Variants in CDC42BPA observed in about 807,000 individuals in gnomAD.
The protein encoded by CDC42BPA is serine/threonine-protein kinase MRCK alpha.
In CDC42BPA, 80 loss-of-function variants were observed where a neutral mutation model predicts 223.5. That is an observed-to-expected ratio of 0.36 (90% CI 0.30 to 0.43). The LOEUF is 0.43. Ranked by LOEUF, CDC42BPA falls within the 20% of genes least tolerant of loss-of-function variation. CDC42BPA has a pLI of 1.00. For synonymous variants in CDC42BPA, 694 were observed against 718.6 expected (o/e 0.97, Z 0.55); for missense variants, 1,743 against 2,099.9 (o/e 0.83, Z 3.32).
intron 1 of CDC42BPA, among the ~76,000 whole-genome samples, chr1:227,263,927 A>C (rs1684539934): frequency 6.6e-6 from 1 of 152,150 alleles, no homozygotes; most frequent in Admixed American, 6.5e-5. Flanking sequence ...CTAAAGAATG[A>C]GTGTAATCTG....
intron 17 of CDC42BPA, among the ~76,000 whole-genome samples, chr1:227,076,581 T>C (rs1221656928): frequency 5.9e-5 from 9 of 152,198 alleles, no homozygotes; most frequent in Non-Finnish European, 1.2e-4. Context: ...TGCTCCTTGC[T>C]TGTAGGCCAT....
chr1:227,179,635 CAAAAAAAAA>C (rs59744442), intron 5 of CDC42BPA, among the ~76,000 whole-genome samples: 2 of 34,242 alleles, frequency 5.8e-5, no homozygotes, highest in African/African-American at 2.3e-4. Context: ...GCCTCCATCT[CAAAAAAAAA>C]AAAAAAAAAA....
intron 2 of CDC42BPA, among the ~76,000 whole-genome samples, chr1:227,220,311 T>TATATATATATATATATATAC (rs1210485137): frequency 1.4e-4 from 7 of 49,524 alleles, no homozygotes; most frequent in African/African-American, 4.3e-4. Context: ...TATATATATA[T>TATATATATATATATATATAC]ACACACACAC....
At chr1:227,111,934 C>T (rs1686995532) in intron 14 of CDC42BPA, 1 of 161,328 alleles carries the variant, frequency 6.2e-6, no homozygotes, top group South Asian at 2.0e-4. Flanking sequence ...CCATTATCAT[C>T]TTATCCTAAC....
At chr1:227,090,922 T>TG (rs1182032543) in intron 16 of CDC42BPA, among the ~76,000 whole-genome samples, 2 of 152,168 alleles carry the variant, frequency 1.3e-5, no homozygotes, top group Non-Finnish European at 2.9e-5. Context: ...AGATACTAAG[T>TG]GGGAAAAAAA....
At chr1:227,017,114 T>G (rs1039040107) in intron 32 of CDC42BPA, 64 bp from the exon 33 acceptor site, 1 of 1,483,706 alleles carries the variant, frequency 6.7e-7, no homozygotes, top group East Asian at 2.3e-5. Context: ...TTTTTATCTA[T>G]TAACCTCCAA....
chr1:227,253,607 AATAC>A lies in CDC42BPA; in HGVS notation c.270+453_270+456del, dbSNP rs1553419178. On this transcript the variant is annotated intron_variant, in intron 2 of 36. Transcript: ENST00000366766. ...GGAAACTCCATCTCAAAAATAAATA[AATAC>A]ATACATACATACATACATACATACA... Among the ~76,000 whole-genome samples the A allele has an allele frequency of 2.2e-3, 258 of 116,528 alleles. 2 individuals carry two copies. Among genetic ancestry groups the A allele is most frequent in the East Asian group, 0.018 (92 of 5,026 alleles). 76.4% of individuals were successfully genotyped at this position (116,528 alleles called of 152,430 possible).
chr1:227,151,881 C>CAG (rs1661827944), intron 6 of CDC42BPA, among the ~76,000 whole-genome samples: 1 of 85,774 alleles, frequency 1.2e-5, no homozygotes, highest in Admixed American at 1.5e-4. Flanking sequence ...CCAGTCTCTA[C>CAG]AAAAAAAAAA....
chr1:227,013,944 A>AT (rs1665715264), intron 34 of CDC42BPA, among the ~76,000 whole-genome samples: 1 of 152,194 alleles, frequency 6.6e-6, no homozygotes, highest in Admixed American at 6.5e-5. Flanking sequence ...CTTATCAAAT[A>AT]TAAGTCATAA....
intron 11 of CDC42BPA, among the ~76,000 whole-genome samples, chr1:227,125,578 C>T (rs960356666): frequency 2.3e-5 from 3 of 129,368 alleles, no homozygotes; most frequent in African/African-American, 5.9e-5. Context: ...GCCTGGGGAA[C>T]AGAGTGAGAC....
At chr1:227,290,162 C>T (rs1199341005) in intron 1 of CDC42BPA, among the ~76,000 whole-genome samples, 1 of 152,168 alleles carries the variant, frequency 6.6e-6, no homozygotes, top group Non-Finnish European at 1.5e-5. Context: ...TCCCACTATG[C>T]CTCAACTGCA....
intron 27 of CDC42BPA, among the ~76,000 whole-genome samples, chr1:227,032,026 C>T (rs995761866): frequency 6.6e-6 from 1 of 152,170 alleles, no homozygotes; most frequent in Non-Finnish European, 1.5e-5. Flanking sequence ...CTCTTAAGCG[C>T]CACACCATAC....
chr1:227,207,378 A>G (rs1391578172), intron 3 of CDC42BPA, among the ~76,000 whole-genome samples: 1 of 61,804 alleles, frequency 1.6e-5, no homozygotes, highest in Admixed American at 1.7e-4. Flanking sequence ...TTTTTTTTTT[A>G]TTATACTTTA....
chr1:227,304,676 G>A lies in CDC42BPA; in HGVS notation c.178+12329C>T, dbSNP rs1044804814. Among the ~76,000 whole-genome samples the A allele has an allele frequency of 1.1e-4, 16 of 152,206 alleles. 1 individual carries two copies. The highest frequency in any genetic ancestry group is 2.4e-4 in the Non-Finnish European group (16 of 68,048). ...ATGTCTCCTATGGGGTGCAGTGAAA[G>A]AGGAGTTTCCAAACAATTTAACCAA... On this transcript the variant is annotated intron_variant, in intron 1 of 36. Coordinates refer to ENST00000366766, the MANE Select transcript of CDC42BPA (RefSeq NM_001394014.1).
rs969766708 is a variant in CDC42BPA, at chr1:227,194,399, A to T, written c.451-465T>A. On this transcript the variant is annotated intron_variant, in intron 4 of 36. Transcript: ENST00000366766. Reference sequence around the variant, plus strand: ...ACCTTGGATCAGTAAGAACTTTATTAGAACCAGCATCAGCCTATAGATCAG... The same window carrying T: ...ACCTTGGATCAGTAAGAACTTTATTTGAACCAGCATCAGCCTATAGATCAG... Among the ~76,000 whole-genome samples the T allele has an allele frequency of 3.3e-5, 5 of 152,344 alleles. No homozygotes were observed. The East Asian group carries it at 7.7e-4, about 24-fold the overall frequency.
chr1:227,162,225 G>A (rs1428384090), intron 5 of CDC42BPA, among the ~76,000 whole-genome samples: 5 of 151,422 alleles, frequency 3.3e-5, no homozygotes, highest in African/African-American at 9.7e-5. Flanking sequence ...TATACATAAA[G>A]CATATTATGT....
At chr1:227,082,115 C>T (rs1377370932) in intron 16 of CDC42BPA, among the ~76,000 whole-genome samples, 1 of 152,088 alleles carries the variant, frequency 6.6e-6, no homozygotes, top group Admixed American at 6.5e-5. Context: ...ACAACCTCCA[C>T]CTCCTAGGCT....
Position 227,026,157 on chromosome 1 carries a change from G to A in CDC42BPA, c.4433-5C>T. On this transcript the variant is annotated splice_region_variant and splice_polypyrimidine_tract_variant and intron_variant, in intron 30 of 36. Coordinates refer to ENST00000366766, the MANE Select transcript of CDC42BPA (RefSeq NM_001394014.1). ...AGAGATATGGTGCATTGTAACCTGG[G>A]AGAAGGGAAGGGGGGGCAGCTTGCG... 6.5e-7 allele frequency: 1 copy of A among 1,529,266 alleles called. No homozygotes were observed. Among genetic ancestry groups the A allele is most frequent in the East Asian group, 2.3e-5 (1 of 43,780 alleles). The allele number at this position is 1,529,266 out of a possible 1,614,324, so 94.7% of individuals were successfully genotyped here.
chr1:227,260,783 A>T (rs7543419), intron 1 of CDC42BPA, among the ~76,000 whole-genome samples: 1 of 150,830 alleles, frequency 6.6e-6, no homozygotes, highest in Non-Finnish European at 1.5e-5. Flanking sequence ...CTTCTCCCTT[A>T]TCTGCAATGG....
Sources: allele counts gnomAD v4.1 joint callset (sites outside exome capture counted in the v4.1 genomes callset), GRCh38; gene constraint gnomAD v4.1.1; transcripts MANE v1.5; gene names NCBI Gene and HGNC (gene_info 2026-07-23, HGNC 2026-07-21).